Variants in TANC1 observed in about 807,000 individuals in gnomAD.
TANC1 encodes the protein tetratricopeptide repeat, ankyrin repeat and coiled-coil containing 1, also known as protein TANC1.
TANC1 carries 77 observed loss-of-function variants against 149.7 expected under a neutral mutation model. The observed-to-expected ratio is 0.51, with a 90% CI of 0.43 to 0.62. The LOEUF is 0.62. TANC1 is among the 20% of genes least tolerant of loss of function. TANC1 has a pLI of 0.00. For synonymous variants in TANC1, 854 were observed against 925.0 expected, an observed-to-expected ratio of 0.92 and a Z score of 1.39; for missense variants, 1,985 against 2,321.8, an observed-to-expected ratio of 0.85 and a Z score of 2.98.
intron 14 of TANC1, among the ~76,000 whole-genome samples, chr2:159,179,745 C>T (rs1315184134): frequency 3.9e-5 from 6 of 152,188 alleles, no homozygotes; most frequent in African/African-American, 7.2e-5. Flanking sequence ...CTGGACCAGG[C>T]TGGGATGCAG....
chr2:159,081,950 C>T (rs1460850700), intron 3 of TANC1, among the ~76,000 whole-genome samples: 19 of 152,350 alleles, frequency 1.2e-4, no homozygotes, highest in Admixed American at 1.0e-3. Context: ...TCAGCCCACT[C>T]GATCAGGGTG....
intron 2 of TANC1, among the ~76,000 whole-genome samples, chr2:159,048,218 C>T (rs1199920294): frequency 1.3e-5 from 2 of 152,190 alleles, no homozygotes; most frequent in East Asian, 3.8e-4. Context: ...AATGCCACAG[C>T]ACTGTTGTAG....
In TANC1 at chr2:159,062,923, C is replaced by T. The variant is rs371909856; in HGVS notation, c.-15-2973C>T. 3.8e-3 allele frequency among the ~76,000 whole-genome samples: 512 copies of T among 135,530 alleles called. 5 individuals are homozygous for T. The highest frequency in any genetic ancestry group is 0.013 in the African/African-American group (473 of 36,370). 88.9% of individuals were successfully genotyped at this position (135,530 alleles called of 152,430 possible). A position where few individuals can be genotyped will look rare whatever the true frequency, so the allele number is the denominator to read the frequency against. ...CGGAGCTTGCAGTGAGCCGAGATTGCACCACTGCAGTCCGCAGTCCGGCCT... is the reference window on the plus strand; with the variant it reads ...CGGAGCTTGCAGTGAGCCGAGATTGTACCACTGCAGTCCGCAGTCCGGCCT... On this transcript the variant is annotated intron_variant, in intron 2 of 26. Coordinates refer to ENST00000263635, the MANE Select transcript of TANC1 (RefSeq NM_033394.3).
chr2:158,981,487 G>A (rs1437956089), intron 1 of TANC1, among the ~76,000 whole-genome samples: 1 of 59,374 alleles, frequency 1.7e-5, no homozygotes, highest in African/African-American at 6.0e-5. Flanking sequence ...TTAATATATA[G>A]CTTTTATATA....
chr2:159,091,245 G>A (rs918493451), intron 3 of TANC1, among the ~76,000 whole-genome samples: 1 of 152,138 alleles, frequency 6.6e-6, no homozygotes, highest in African/African-American at 2.4e-5. Flanking sequence ...AGTGGCCTTG[G>A]GCAAGATACT....
chr2:158,976,324 C>A (rs373191097), intron 1 of TANC1, among the ~76,000 whole-genome samples: 1 of 152,200 alleles, frequency 6.6e-6, no homozygotes, highest in African/African-American at 2.4e-5. Context: ...TGAGGGAAGA[C>A]TGGGCCTTTT....
chr2:159,167,771 G>A (rs796827396), intron 8 of TANC1, among the ~76,000 whole-genome samples: 5 of 152,336 alleles, frequency 3.3e-5, no homozygotes, highest in African/African-American at 1.2e-4. Context: ...CCAGGTGGCT[G>A]TTGAATGAAG....
chr2:159,201,772 A>G (rs1372509733), intron 19 of TANC1, among the ~76,000 whole-genome samples: 1 of 152,208 alleles, frequency 6.6e-6, no homozygotes, highest in Non-Finnish European at 1.5e-5. Context: ...AACCTTAAGT[A>G]TGTTTACACA....
chr2:159,069,966 A>G (rs1380526479), intron 3 of TANC1, among the ~76,000 whole-genome samples: 3 of 151,448 alleles, frequency 2.0e-5, no homozygotes, highest in African/African-American at 7.3e-5. Context: ...TTTTTAATAG[A>G]GATGGGGTTT....
At chr2:158,994,143 C>T (rs550386479) in intron 1 of TANC1, among the ~76,000 whole-genome samples, 2 of 152,164 alleles carry the variant, frequency 1.3e-5, no homozygotes, top group East Asian at 1.9e-4. Flanking sequence ...TTTTTATTTC[C>T]TGGTTTCTGA....
intron 25 of TANC1, chr2:159,228,345 T>C: frequency 3.8e-6 from 1 of 264,422 alleles, no homozygotes; most frequent in Non-Finnish European, 7.2e-6. Context: ...TCAGAGGGTC[T>C]GCCAGTAACT....
chr2:159,129,771 C>T (rs570196969), intron 4 of TANC1, among the ~76,000 whole-genome samples: 8 of 152,238 alleles, frequency 5.3e-5, no homozygotes, highest in African/African-American at 1.4e-4. Flanking sequence ...ATCTAGAGTT[C>T]AGATGAAGTA....
chr2:159,216,839 G>C (rs576536912), intron 19 of TANC1, among the ~76,000 whole-genome samples: 3 of 152,196 alleles, frequency 2.0e-5, no homozygotes, highest in African/African-American at 7.2e-5. Flanking sequence ...TTAACAAGGG[G>C]GGAGTGACGT....
chr2:159,169,538 A>G (rs970720874), intron 9 of TANC1, among the ~76,000 whole-genome samples, 166 bp downstream of exon 9: 44 of 152,206 alleles, frequency 2.9e-4, no homozygotes, highest in African/African-American at 1.0e-3. Flanking sequence ...CATCCTCAAC[A>G]GTTTGGGGCT....
At chr2:159,228,196 G>T in intron 25 of TANC1, 1 of 516,450 alleles carries the variant, frequency 1.9e-6, no homozygotes, top group Non-Finnish European at 3.4e-6. Flanking sequence ...TCGTTTCCTT[G>T]GCCTCAGTAA....
rs1029154010 is a variant in TANC1, at chr2:159,229,012, TTTAGTAG to T, written c.4151+118_4151+124del. 4.2e-5 allele frequency: 31 copies of T among 735,728 alleles called. No individual in the cohort carries two copies. In the African/African-American group the frequency reaches 4.9e-4, roughly 12 times the overall value. 45.6% of individuals were successfully genotyped at this position (735,728 alleles called of 1,614,324 possible). A position where few individuals can be genotyped will look rare whatever the true frequency, so the allele number is the denominator to read the frequency against. On this transcript the variant is annotated intron_variant, in intron 26 of 26. Transcript: ENST00000263635. The stretch of plus-strand genomic sequence containing the variant: ...TGTTGCTCAGGTGCCTCTCATCCTT[TTTAGTAG>T]TGAATTAGTATTACTACCTGCTTCC...
At chr2:159,007,138 G>GTTT (rs70994252) in intron 2 of TANC1, among the ~76,000 whole-genome samples, 927 of 69,492 alleles carry the variant, frequency 0.013, 6 homozygotes, top group Middle Eastern at 0.029. Context: ...CTTTAATACT[G>GTTT]TTTTTTTTTT....
At chr2:159,085,999 T>C (rs935220114) in intron 3 of TANC1, among the ~76,000 whole-genome samples, 20 of 152,136 alleles carry the variant, frequency 1.3e-4, no homozygotes, top group African/African-American at 4.6e-4. Context: ...TGGTGAGTAA[T>C]TGGGATGGAG....
At chr2:159,060,145 T>G in intron 2 of TANC1, 1 of 930,092 alleles carries the variant, frequency 1.1e-6, no homozygotes, top group African/African-American at 1.8e-5. Flanking sequence ...TAAGAACTTT[T>G]CAAGCTTCTA....
Sources: gnomAD v4.1 joint callset for allele counts (sites outside exome capture counted in the v4.1 genomes callset) on GRCh38, gnomAD v4.1.1 for gene constraint, MANE v1.5 for transcripts, NCBI Gene and HGNC (gene_info 2026-07-23, HGNC 2026-07-21) for gene names.